The following ZNF721 variants were observed in gnomAD, a reference collection of about 807,000 sequenced individuals.
ZNF721 encodes zinc finger protein 721.
ZNF721 carries 2 observed loss-of-function variants against 2.4 expected under a neutral mutation model. The observed-to-expected ratio is 0.82, with a 90% CI of 0.34 to 2.58. The LOEUF is 2.58. Among genes scored for constraint, ZNF721 ranks in the 30% most tolerant of loss-of-function variants. The probability of loss-of-function intolerance (pLI) is 0.11; values close to 1 mark genes in which losing one functional copy is unlikely to be tolerated. For missense variants in ZNF721, 1,187 were observed against 1,085.5 expected (o/e 1.09, Z -1.31); for synonymous variants, 398 against 381.8 (o/e 1.04, Z -0.50).
chr4:478,690 G>A (rs899804360), intron 1 of ZNF721, among the ~76,000 whole-genome samples: 5 of 152,022 alleles, frequency 3.3e-5, no homozygotes, highest in Admixed American at 1.3e-4. Flanking sequence ...ACATGGGTGT[G>A]CAAATGTCAT....
chr4:468,762 A>G (rs1176998146), intron 2 of ZNF721, among the ~76,000 whole-genome samples: 1 of 152,236 alleles, frequency 6.6e-6, no homozygotes, highest in African/African-American at 2.4e-5. Flanking sequence ...TACCTGTCAA[A>G]AAACAGATTA....
intron 1 of ZNF721, among the ~76,000 whole-genome samples, chr4:493,757 A>T (rs1458388195): frequency 2.6e-5 from 4 of 151,930 alleles, no homozygotes; most frequent in African/African-American, 9.7e-5. Flanking sequence ...AACCAATATC[A>T]GTGTCTCATT....
At position 472,657 on chromosome 4, in the gene ZNF721, T is replaced by C. The variant is rs1222008893; in HGVS notation, c.-49A>G. On this transcript the variant is annotated 5_prime_UTR_variant, in exon 2 of 3. Transcript: ENST00000511833. The stretch of plus-strand genomic sequence containing the variant: ...GGGCAGGGTCCAGGCATTTCCACTC[T>C]TCTGGAGAGAATTCTATGGCCACAT... The C allele has an allele frequency of 1.2e-6, 2 of 1,613,840 alleles. No homozygotes were observed. Among genetic ancestry groups the C allele is most frequent in the Admixed American group, 1.7e-5 (1 of 59,910 alleles).
At chr4:455,642 GA>G (rs1714823141) in intron 2 of ZNF721, among the ~76,000 whole-genome samples, 2 of 150,278 alleles carry the variant, frequency 1.3e-5, no homozygotes, top group African/African-American at 2.4e-5. Context: ...AAAAAAGAAA[GA>G]AAAAATATTA....
chr4:444,826 AC>A (rs1714419592), intron 2 of ZNF721, among the ~76,000 whole-genome samples: 1 of 152,204 alleles, frequency 6.6e-6, no homozygotes, highest in Non-Finnish European at 1.5e-5. Flanking sequence ...TGGGGTCTTT[AC>A]AAAAACTGAT....
At chr4:491,275 G>A (rs1367092283) in intron 1 of ZNF721, among the ~76,000 whole-genome samples, 1 of 152,016 alleles carries the variant, frequency 6.6e-6, no homozygotes, top group Admixed American at 6.6e-5. Context: ...AAAATTAGAC[G>A]AGTGTGGTGG....
chr4:495,056 G>C (rs555902624), intron 1 of ZNF721, among the ~76,000 whole-genome samples: 3 of 151,786 alleles, frequency 2.0e-5, no homozygotes, highest in Non-Finnish European at 4.4e-5. Context: ...CTAATTTTTC[G>C]TATTTTTAAT....
At chr4:491,332 G>A (rs1716014551) in intron 1 of ZNF721, among the ~76,000 whole-genome samples, 1 of 151,902 alleles carries the variant, frequency 6.6e-6, no homozygotes, top group Non-Finnish European at 1.5e-5. Context: ...GCAGGAGAAT[G>A]GCTTGAATCC....
At position 440,251 on chromosome 4, in the gene ZNF721, T is replaced by C. The variant is rs1045944797; in HGVS notation, c.*1444A>G. On this transcript the variant is annotated 3_prime_UTR_variant, in exon 3 of 3. Coordinates refer to ENST00000511833, the MANE Select transcript of ZNF721 (RefSeq NM_133474.4). ...CATCTTTTATTTCTCTTCTCTTTCA[T>C]GTAGAAGTCTATGAATAATGCCCAC... 6 of 152,214 alleles carry C rather than the reference T, an allele frequency of 3.9e-5. No individual in the cohort carries two copies. The East Asian group carries it at 9.6e-4, about 24-fold the overall frequency. The allele number at this position is 152,214 out of a possible 1,614,324, so 9.4% of individuals were successfully genotyped here.
intron 1 of ZNF721, among the ~76,000 whole-genome samples, chr4:484,121 AAATT>A (rs1715835750): frequency 6.6e-6 from 1 of 152,240 alleles, no homozygotes. Flanking sequence ...TTAGTTCCCT[AAATT>A]AATACTTTTG....
At position 444,286 on chromosome 4, in the gene ZNF721, C is replaced by A; in HGVS notation, c.181G>T (p.Val61Leu). The A allele has an allele frequency of 1.2e-6, 2 of 1,614,094 alleles. No homozygotes were observed. The highest frequency in any genetic ancestry group is 1.7e-6 in the Non-Finnish European group (2 of 1,179,982). ...ATTCCATTATAAACTCCCTTCTGCACTTTACACACGTTCATACTTTTACAG... is the reference window on the plus strand; with the variant it reads ...ATTCCATTATAAACTCCCTTCTGCAATTTACACACGTTCATACTTTTACAG... ...KGCKSMNVCK[V>L]QKGVYNGINK... Residue 61 changes from valine to leucine, a missense_variant, in exon 3 of 3, where the codon GTG becomes TTG. Val to Leu is a conservative substitution (Grantham distance 32, BLOSUM62 1). Coordinates refer to ENST00000511833, the MANE Select transcript of ZNF721 (RefSeq NM_133474.4).
chr4:466,653 G>A (rs1289633609), intron 2 of ZNF721, among the ~76,000 whole-genome samples: 1 of 152,080 alleles, frequency 6.6e-6, no homozygotes, highest in Non-Finnish European at 1.5e-5. Context: ...ATTAAACTGC[G>A]ATGGATGAGA....
chr4:472,779 C>CA (rs1715479412), intron 1 of ZNF721, 78 bp from the exon 2 acceptor site: 1 of 1,569,598 alleles, frequency 6.4e-7, no homozygotes, highest in Admixed American at 2.0e-5. Context: ...CCAGTTCTGA[C>CA]ATGTGACTGA....
At position 441,685 on chromosome 4, in the gene ZNF721, G is replaced by A. The variant is rs149055249; in HGVS notation, c.*10C>T. On this transcript the variant is annotated 3_prime_UTR_variant, in exon 3 of 3. Coordinates refer to ENST00000511833, the MANE Select transcript of ZNF721 (RefSeq NM_133474.4). ...TGCTGTAGTATGACTTAAAGGCTTT[G>A]CCACATTCTTTACACTTGTATGGTT... is the stretch of plus-strand genomic sequence containing the variant. 19,207 of 1,589,462 alleles carry A rather than the reference G, an allele frequency of 0.012. 193 individuals carry two copies. The highest frequency in any genetic ancestry group is 0.02 in the Middle Eastern group (119 of 6,010).
chr4:458,168 G>T (rs1714902755), intron 2 of ZNF721, among the ~76,000 whole-genome samples: 1 of 152,218 alleles, frequency 6.6e-6, no homozygotes, highest in Non-Finnish European at 1.5e-5. Context: ...TTAATCTGCA[G>T]ATATAACTGG....
rs550074651 is a variant in ZNF721, at chr4:453,137, C to T, written c.35-8705G>A. Among the ~76,000 whole-genome samples the T allele has an allele frequency of 1.1e-4, 17 of 152,296 alleles. No individual in the cohort carries two copies. In the South Asian group the frequency reaches 2.9e-3, roughly 26 times the overall value. On this transcript the variant is annotated intron_variant, in intron 2 of 2. Coordinates refer to ENST00000511833, the MANE Select transcript of ZNF721 (RefSeq NM_133474.4). The stretch of plus-strand genomic sequence containing the variant: ...CTGGTGGCACTCGACGCTAGAAGGC[C>T]GTGGCTTACAGTCCTGTTAGAAAAC...
At chr4:491,760 G>C (rs1316037408) in intron 1 of ZNF721, among the ~76,000 whole-genome samples, 1 of 152,084 alleles carries the variant, frequency 6.6e-6, no homozygotes, top group Non-Finnish European at 1.5e-5. Context: ...AGCAGGACTT[G>C]GTGTCCTTTT....
chr4:452,645 G>A (rs1301346478), intron 2 of ZNF721, among the ~76,000 whole-genome samples: 1 of 152,156 alleles, frequency 6.6e-6, no homozygotes, highest in Non-Finnish European at 1.5e-5. Flanking sequence ...CATGCTAATT[G>A]GAGTCTTAGG....
rs1716537040 is a variant in ZNF721 at position 499,120 on chromosome 4, G to A, written c.-158C>T. 1 of 573,100 alleles carries A rather than the reference G, an allele frequency of 1.7e-6. No individual in the cohort carries two copies. The allele number at this position is 573,100 out of a possible 1,614,324, so 35.5% of individuals were successfully genotyped here. On this transcript the variant is annotated 5_prime_UTR_variant, in exon 1 of 3. Coordinates refer to ENST00000511833, the MANE Select transcript of ZNF721 (RefSeq NM_133474.4). Reference sequence around the variant, plus strand: ...ACGGCCCCACGGAGCCGGGAACACCGCCCGCTGTTCGTATGTCCGAGGTGA... The same window carrying A: ...ACGGCCCCACGGAGCCGGGAACACCACCCGCTGTTCGTATGTCCGAGGTGA...
Sources: gnomAD v4.1 joint callset for allele counts (sites outside exome capture counted in the v4.1 genomes callset) on GRCh38, gnomAD v4.1.1 for gene constraint, MANE v1.5 for transcripts, NCBI Gene and HGNC (gene_info 2026-07-23, HGNC 2026-07-21) for gene names.